SLC25A31: variants seen among roughly 807,000 people sequenced by gnomAD.
The protein encoded by SLC25A31 is solute carrier family 25 member 31, also known as ADP/ATP translocase 4.
SLC25A31 carries 40 observed loss-of-function variants against 36.2 expected under a neutral mutation model. That is an observed-to-expected ratio of 1.10 (90% CI 0.86 to 1.44). The LOEUF (loss-of-function observed/expected upper bound fraction) is 1.44. SLC25A31 is among the 40% of genes most tolerant of loss of function. SLC25A31 has a pLI of 0.00. For missense variants in SLC25A31, 350 were observed against 397.1 expected (o/e 0.88, Z 1.01); for synonymous variants, 143 against 149.7 (o/e 0.96, Z 0.32).
At chr4:127,734,215 G>C (rs968094506) in intron 1 of SLC25A31, among the ~76,000 whole-genome samples, 1 of 152,146 alleles carries the variant, frequency 6.6e-6, no homozygotes, top group African/African-American at 2.4e-5. Context: ...ATGTAAATAT[G>C]TGTTTAATCA....
intron 2 of SLC25A31, among the ~76,000 whole-genome samples, chr4:127,746,227 T>C (rs886699348): frequency 6.6e-6 from 1 of 152,086 alleles, no homozygotes; most frequent in Non-Finnish European, 1.5e-5. Context: ...CTTAGGTTAA[T>C]TCCAGGTTTT....
chr4:127,755,461 T>G (rs190673567), intron 2 of SLC25A31, among the ~76,000 whole-genome samples: 106 of 152,232 alleles, frequency 7.0e-4, no homozygotes, highest in African/African-American at 2.5e-3. Flanking sequence ...ACAAATGACC[T>G]GATTAGAAAA....
intron 5 of SLC25A31, among the ~76,000 whole-genome samples, chr4:127,769,377 C>A (rs1461001648): frequency 6.6e-6 from 1 of 152,164 alleles, no homozygotes; most frequent in Non-Finnish European, 1.5e-5. Flanking sequence ...CATCCCAAAT[C>A]TGAAAATCCT....
intron 1 of SLC25A31, among the ~76,000 whole-genome samples, chr4:127,731,788 C>T (rs935075208): frequency 2.6e-5 from 4 of 151,936 alleles, no homozygotes; most frequent in African/African-American, 9.7e-5. Context: ...TATTAAACCT[C>T]CACTCCTAAA....
chr4:127,765,770 T>C (rs1258663811), intron 3 of SLC25A31, among the ~76,000 whole-genome samples: 1 of 152,280 alleles, frequency 6.6e-6, no homozygotes, highest in South Asian at 2.1e-4. Flanking sequence ...TTTAAATAAG[T>C]GATCAGAAAA....
chr4:127,766,148 A>C (rs1009216935), intron 3 of SLC25A31, among the ~76,000 whole-genome samples: 1 of 90,598 alleles, frequency 1.1e-5, no homozygotes, highest in African/African-American at 4.4e-5. Flanking sequence ...GAGTTTTTTT[A>C]TTTGTTTTTT....
chr4:127,770,949 CTTTTTTTTTTTT>C (rs558206857), intron 5 of SLC25A31, among the ~76,000 whole-genome samples: 6 of 80,812 alleles, frequency 7.4e-5, no homozygotes, highest in African/African-American at 1.1e-4. Context: ...TCTTCTTCTT[CTTTTTTTTTTTT>C]TTTTTTTTTT....
At chr4:127,753,542 G>A (rs1731975410) in intron 2 of SLC25A31, among the ~76,000 whole-genome samples, 1 of 152,074 alleles carries the variant, frequency 6.6e-6, no homozygotes, top group Non-Finnish European at 1.5e-5. Context: ...TGCCATATAA[G>A]TTATGAAAAT....
chr4:127,744,736 A>G lies in SLC25A31; in HGVS notation c.297A>G (p.Leu99=). The G allele has an allele frequency of 6.2e-7, 1 of 1,604,282 alleles. No individual in the cohort carries two copies. Among genetic ancestry groups the G allele is most frequent in the South Asian group, 1.1e-5 (1 of 88,740 alleles). ...NVIRYFPTQA[L]NFAFKDKYKQ... is the part of the protein sequence containing the mutation. ...TTCGGTATTTTCCAACACAAGCTCT[A>G]AACTTTGCTTTTAAGGACAAATACA... The change falls in exon 2 of 6, where the codon CTA becomes CTG. Residue 99 remains leucine (L), a synonymous_variant. Transcript: ENST00000281154.
chr4:127,759,305 T>A (rs962517707), intron 2 of SLC25A31, among the ~76,000 whole-genome samples: 2 of 152,126 alleles, frequency 1.3e-5, no homozygotes, highest in Admixed American at 1.3e-4. Flanking sequence ...TGCTACTGAC[T>A]TTTGTACATT....
At chr4:127,758,235 G>A (rs950623989) in intron 2 of SLC25A31, among the ~76,000 whole-genome samples, 2 of 152,164 alleles carry the variant, frequency 1.3e-5, no homozygotes, top group African/African-American at 4.8e-5. Context: ...AACCATATCA[G>A]TGATGTTGAA....
At chr4:127,747,372 A>T (rs948346764) in intron 2 of SLC25A31, among the ~76,000 whole-genome samples, 1 of 152,170 alleles carries the variant, frequency 6.6e-6, no homozygotes. Flanking sequence ...CATTTTAATG[A>T]TATTAATTAT....
chr4:127,761,497 C>G (rs1392946927), intron 2 of SLC25A31, among the ~76,000 whole-genome samples: 1 of 152,180 alleles, frequency 6.6e-6, no homozygotes, highest in East Asian at 1.9e-4. Flanking sequence ...ACGGACCAAA[C>G]TATACTCTCA....
intron 2 of SLC25A31, among the ~76,000 whole-genome samples, chr4:127,754,025 C>T (rs1731984765): frequency 6.6e-6 from 1 of 151,954 alleles, no homozygotes; most frequent in African/African-American, 2.4e-5. Context: ...CAAATCAATA[C>T]ATGTGATAAA....
chr4:127,745,309 T>G (rs1731805107), intron 2 of SLC25A31, among the ~76,000 whole-genome samples: 1 of 14,076 alleles, frequency 7.1e-5, no homozygotes, highest in Admixed American at 1.2e-3. Context: ...CAAGGATACT[T>G]TTTTTTTTTT....
At chr4:127,739,708 A>T (rs560279011) in intron 1 of SLC25A31, among the ~76,000 whole-genome samples, 1 of 152,282 alleles carries the variant, frequency 6.6e-6, no homozygotes, top group African/African-American at 2.4e-5. Context: ...TGTTTCAGGA[A>T]TGCCAGTAAC....
intron 1 of SLC25A31, among the ~76,000 whole-genome samples, chr4:127,742,408 C>T (rs948827641): frequency 1.9e-4 from 29 of 152,292 alleles, no homozygotes; most frequent in African/African-American, 6.5e-4. Context: ...GATTGATTAC[C>T]TGTTGACCAA....
intron 4 of SLC25A31, among the ~76,000 whole-genome samples, chr4:127,767,519 T>C (rs926166046): frequency 6.6e-6 from 1 of 152,294 alleles, no homozygotes; most frequent in Non-Finnish European, 1.5e-5. Flanking sequence ...AAATCATTGG[T>C]ATATGGAAAG....
intron 1 of SLC25A31, among the ~76,000 whole-genome samples, chr4:127,735,888 A>ATTTTTTTTTTTT (rs1250183377): frequency 4.2e-5 from 2 of 47,850 alleles, no homozygotes; most frequent in Non-Finnish European, 8.3e-5. Flanking sequence ...TTATTTATTT[A>ATTTTTTTTTTTT]TTTATTTATT....
Sources: allele counts gnomAD v4.1 joint callset (sites outside exome capture counted in the v4.1 genomes callset), GRCh38; gene constraint gnomAD v4.1.1; transcripts MANE v1.5; gene names NCBI Gene and HGNC (gene_info 2026-07-23, HGNC 2026-07-21).